NOX4: variants seen among roughly 807,000 people sequenced by gnomAD.
The protein encoded by NOX4 is NADPH oxidase 4.
Under a neutral mutation model 87.6 loss-of-function variants are expected in NOX4, and 69 were observed. That is an observed-to-expected ratio of 0.79 (90% CI 0.65 to 0.96). The LOEUF is 0.96. Ranked by LOEUF, NOX4 falls within the 40% of genes least tolerant of loss-of-function variation. NOX4 has a pLI of 0.00. For missense variants in NOX4, 680 were observed against 681.5 expected (o/e 1.00, Z 0.02); for synonymous variants, 275 against 238.2 (o/e 1.15, Z -1.42).
chr11:89,485,221 A>G (rs188940561), intron 2 of NOX4, among the ~76,000 whole-genome samples: 1 of 152,328 alleles, frequency 6.6e-6, no homozygotes, highest in Admixed American at 6.5e-5. Flanking sequence ...TGAATGCTCA[A>G]GAGCATAGAT....
intron 2 of NOX4, among the ~76,000 whole-genome samples, chr11:89,470,978 G>A (rs1041997851): frequency 5.3e-5 from 8 of 152,004 alleles, no homozygotes; most frequent in African/African-American, 1.7e-4. Context: ...ACTACCAGAT[G>A]GACTCTTTAT....
intron 6 of NOX4, among the ~76,000 whole-genome samples, chr11:89,438,259 T>C (rs1944183640): frequency 7.3e-6 from 1 of 137,210 alleles, no homozygotes. Context: ...ATTATTATTA[T>C]ATATAATATA....
the NOX4 span, among the ~76,000 whole-genome samples, chr11:89,547,676 A>T: frequency 6.6e-6 from 1 of 152,210 alleles, no homozygotes; most frequent in Non-Finnish European, 1.5e-5. Flanking sequence ...GCCACACAGT[A>T]GAATCAATTG....
intron 6 of NOX4, among the ~76,000 whole-genome samples, chr11:89,436,055 T>G (rs1355239748): frequency 1.3e-5 from 2 of 152,300 alleles, no homozygotes; most frequent in East Asian, 3.9e-4. Context: ...AGAAGATCTA[T>G]GCATCAAATA....
At chr11:89,356,532 T>A (rs1189394209) in intron 12 of NOX4, among the ~76,000 whole-genome samples, 2 of 152,082 alleles carry the variant, frequency 1.3e-5, no homozygotes, top group African/African-American at 4.8e-5. Flanking sequence ...CAGGAATAGG[T>A]ATGCATTACC....
At chr11:89,343,910 G>C (rs1428391223) in intron 13 of NOX4, among the ~76,000 whole-genome samples, 1 of 151,814 alleles carries the variant, frequency 6.6e-6, no homozygotes, top group East Asian at 1.9e-4. Context: ...CCACTCAAAA[G>C]TATATAAACA....
intron 11 of NOX4, among the ~76,000 whole-genome samples, chr11:89,377,681 A>AT (rs1000301621): frequency 3.3e-5 from 5 of 152,190 alleles, no homozygotes; most frequent in East Asian, 1.9e-4. Context: ...TACAAGCTGC[A>AT]TTTTTTGTTT....
chr11:89,439,819 G>A (rs1944378974), intron 6 of NOX4, among the ~76,000 whole-genome samples: 1 of 151,970 alleles, frequency 6.6e-6, no homozygotes, highest in Non-Finnish European at 1.5e-5. Context: ...GAGATTTCAT[G>A]GACAATAAGC....
the NOX4 span, among the ~76,000 whole-genome samples, chr11:89,584,552 G>T: frequency 6.6e-6 from 1 of 152,158 alleles, no homozygotes; most frequent in Non-Finnish European, 1.5e-5. Flanking sequence ...AGCTTTGACA[G>T]TTTAATTCAC....
At chr11:89,431,662 C>T (rs1943790558) in intron 7 of NOX4, among the ~76,000 whole-genome samples, 1 of 152,104 alleles carries the variant, frequency 6.6e-6, no homozygotes, top group Non-Finnish European at 1.5e-5. Context: ...TACCATTTCA[C>T]ACCAGTTAGA....
intron 2 of NOX4, among the ~76,000 whole-genome samples, chr11:89,484,814 AAAAC>A (rs1946528082): frequency 6.6e-6 from 1 of 152,182 alleles, no homozygotes; most frequent in South Asian, 2.1e-4. Context: ...GTTAAGAATA[AAAAC>A]AAATAAGCAA....
intron 17 of NOX4, among the ~76,000 whole-genome samples, chr11:89,332,135 C>T (rs777570587): frequency 5.3e-5 from 8 of 151,802 alleles, no homozygotes; most frequent in Admixed American, 1.3e-4. Context: ...GATTTGTAAA[C>T]GCAGGATCTT....
chr11:89,464,608 C>T (rs1945599806), intron 2 of NOX4, among the ~76,000 whole-genome samples: 1 of 152,026 alleles, frequency 6.6e-6, no homozygotes, highest in South Asian at 2.1e-4. Context: ...AGTTATGTGT[C>T]CAGTCCATTC....
intron 11 of NOX4, among the ~76,000 whole-genome samples, chr11:89,397,273 G>A (rs1224310879): frequency 1.3e-5 from 2 of 152,096 alleles, no homozygotes; most frequent in African/African-American, 4.8e-5. Context: ...AAACCAATGA[G>A]AACAAAGACA....
At chr11:89,514,387 A>T in the NOX4 span, among the ~76,000 whole-genome samples, 1 of 152,090 alleles carries the variant, frequency 6.6e-6, no homozygotes, top group East Asian at 1.9e-4. Flanking sequence ...TAACTCTAAC[A>T]GTTTTTCACA....
chr11:89,337,365 A>G, intron 16 of NOX4, 82 bp downstream of exon 16: 1 of 1,589,974 alleles, frequency 6.3e-7, no homozygotes, highest in East Asian at 2.3e-5. Flanking sequence ...AACCACCTGC[A>G]GGAATTTTCT....
intron 11 of NOX4, among the ~76,000 whole-genome samples, chr11:89,397,419 A>G (rs1941565140): frequency 6.6e-6 from 1 of 152,150 alleles, no homozygotes. Context: ...CTAGAGAAGC[A>G]AGAGCAAACG....
At chr11:89,443,952 G>A (rs1944569184) in intron 5 of NOX4, 183 bp downstream of exon 5, 1 of 552,350 alleles carries the variant, frequency 1.8e-6, no homozygotes, top group Non-Finnish European at 3.2e-6. Context: ...TTCAGCAGGA[G>A]ACACTATGAA....
At chr11:89,398,705 G>C (rs1208798883) in intron 11 of NOX4, among the ~76,000 whole-genome samples, 5 of 151,334 alleles carry the variant, frequency 3.3e-5, no homozygotes, top group Admixed American at 2.0e-4. Flanking sequence ...ATATAAAATA[G>C]TTTTGCTATC....
Sources: allele counts gnomAD v4.1 joint callset (sites outside exome capture counted in the v4.1 genomes callset), GRCh38; gene constraint gnomAD v4.1.1; transcripts MANE v1.5; gene names NCBI Gene and HGNC (gene_info 2026-07-23, HGNC 2026-07-21).